The following RGS8 variants were observed in gnomAD, a reference collection of about 807,000 sequenced individuals.
RGS8 encodes regulator of G-protein signaling 8.
A neutral mutation model predicts 21.7 loss-of-function variants in RGS8; 8 were observed. That is an observed-to-expected ratio of 0.37 (90% CI 0.22 to 0.66). The LOEUF is 0.66. Ranked by LOEUF, RGS8 falls within the 30% of genes least tolerant of loss-of-function variation. The pLI is 0.59. For synonymous variants in RGS8, 80 were observed against 83.6 expected, an observed-to-expected ratio of 0.96 and a Z score of 0.24; for missense variants, 157 against 217.9, an observed-to-expected ratio of 0.72 and a Z score of 1.76.
At chr1:182,662,468 C>G (rs1323508971) in intron 5 of RGS8, among the ~76,000 whole-genome samples, 2 of 152,178 alleles carry the variant, frequency 1.3e-5, no homozygotes, top group Non-Finnish European at 2.9e-5. Context: ...ATTGAGAGAT[C>G]CTATCCCGAT....
At chr1:182,744,166 T>C in the RGS8 span, among the ~76,000 whole-genome samples, 1 of 152,152 alleles carries the variant, frequency 6.6e-6, no homozygotes, top group Non-Finnish European at 1.5e-5. Flanking sequence ...ATGTTGTTTG[T>C]TTGTTTTTTG....
chr1:182,674,248 C>A (rs543789574), upstream of RGS8, among the ~76,000 whole-genome samples: 2 of 152,210 alleles, frequency 1.3e-5, no homozygotes, highest in Admixed American at 1.3e-4. Context: ...GGGCCTGAGT[C>A]GCAAGTGGAA....
intron 5 of RGS8, among the ~76,000 whole-genome samples, chr1:182,659,817 CAA>C (rs11333622): frequency 6.9e-4 from 104 of 150,604 alleles, no homozygotes; most frequent in African/African-American, 1.7e-3. Flanking sequence ...CAGGGACTCA[CAA>C]AAAAAAAAGG....
upstream of RGS8, among the ~76,000 whole-genome samples, chr1:182,687,248 C>T (rs771003539): frequency 1.3e-5 from 2 of 151,984 alleles, no homozygotes; most frequent in Non-Finnish European, 2.9e-5. Context: ...ACTATGTTGC[C>T]CAGGCTGGAC....
At chr1:182,703,248 G>C in the RGS8 span, among the ~76,000 whole-genome samples, 1 of 152,204 alleles carries the variant, frequency 6.6e-6, no homozygotes, top group Admixed American at 6.5e-5. Context: ...ATTTCTGAGA[G>C]AGATGCTTGT....
intron 1 of RGS8, among the ~76,000 whole-genome samples, chr1:182,680,123 T>C (rs1664493446): frequency 6.6e-6 from 1 of 152,138 alleles, no homozygotes; most frequent in African/African-American, 2.4e-5. Flanking sequence ...CCTATTTTCT[T>C]AAATTCAGCT....
chr1:182,713,079 C>T, the RGS8 span, among the ~76,000 whole-genome samples: 28 of 152,162 alleles, frequency 1.8e-4, no homozygotes, highest in African/African-American at 6.3e-4. Context: ...TGAGCCATGG[C>T]GACCAACTAA....
At chr1:182,649,945 C>G (rs927720052) in intron 5 of RGS8, among the ~76,000 whole-genome samples, 5 of 146,776 alleles carry the variant, frequency 3.4e-5, no homozygotes, top group African/African-American at 1.3e-4. Context: ...TGGAGTCTTG[C>G]TCTGTCGCCA....
At chr1:182,655,023 G>A (rs1421991706) in intron 5 of RGS8, among the ~76,000 whole-genome samples, 3 of 152,188 alleles carry the variant, frequency 2.0e-5, no homozygotes, top group Admixed American at 1.3e-4. Context: ...GCCCAGCACC[G>A]CACCTAGTGG....
intron 5 of RGS8, among the ~76,000 whole-genome samples, chr1:182,661,102 C>G (rs927112647): frequency 2.6e-5 from 4 of 151,068 alleles, no homozygotes; most frequent in African/African-American, 9.8e-5. Flanking sequence ...TGTTTGGGGT[C>G]TTCTGCTTGG....
At chr1:182,667,510 G>T (rs1380988666) in intron 3 of RGS8, among the ~76,000 whole-genome samples, 2 of 152,164 alleles carry the variant, frequency 1.3e-5, no homozygotes, top group East Asian at 3.9e-4. Flanking sequence ...CACAAATCTA[G>T]CTATAGTCAA....
At chr1:182,657,369 C>T (rs1663336011) in intron 5 of RGS8, among the ~76,000 whole-genome samples, 1 of 152,128 alleles carries the variant, frequency 6.6e-6, no homozygotes, top group Non-Finnish European at 1.5e-5. Flanking sequence ...TCCTGCTTGT[C>T]CATGAACTGT....
chr1:182,718,385 ATGT>A, the RGS8 span, among the ~76,000 whole-genome samples: 1 of 152,206 alleles, frequency 6.6e-6, no homozygotes, highest in East Asian at 1.9e-4. Context: ...AATCCCAAAG[ATGT>A]TGTCAAATTT....
upstream of RGS8, among the ~76,000 whole-genome samples, chr1:182,677,126 G>T (rs1051602298): frequency 2.0e-5 from 3 of 152,212 alleles, no homozygotes; most frequent in African/African-American, 7.2e-5. Flanking sequence ...AGAAAGTGTG[G>T]TGGATTTGAC....
intron 5 of RGS8, among the ~76,000 whole-genome samples, chr1:182,659,019 A>C (rs1663440845): frequency 6.6e-6 from 1 of 152,230 alleles, no homozygotes. Flanking sequence ...ATTAGTATAT[A>C]TGTAGCAAGA....
chr1:182,741,352 C>A, the RGS8 span, among the ~76,000 whole-genome samples: 10 of 95,830 alleles, frequency 1.0e-4, no homozygotes, highest in East Asian at 2.8e-3. Context: ...GCTGGCCGGG[C>A]GGGGGGGCTG....
the RGS8 span, among the ~76,000 whole-genome samples, chr1:182,702,078 G>A: frequency 6.6e-6 from 1 of 152,284 alleles, no homozygotes; most frequent in South Asian, 2.1e-4. Flanking sequence ...TCCCATTACT[G>A]GGTATATACC....
chr1:182,684,583 C>T (rs1313420471), upstream of RGS8: 2 of 152,018 alleles, frequency 1.3e-5, no homozygotes, highest in East Asian at 1.9e-4. The surrounding 1 kb of genome is among the most constrained non-coding windows in gnomAD (Gnocchi z 4.2). Flanking sequence ...AGGGAAAGAG[C>T]GAGTGAGCGG....
At chr1:182,669,532 G>T (rs987237610) in intron 3 of RGS8, 92 bp downstream of exon 4, 15 of 1,588,516 alleles carry the variant, frequency 9.4e-6, no homozygotes, top group Non-Finnish European at 1.3e-5. Flanking sequence ...GGGCTCAGAA[G>T]GCTTGGGCCA....
Sources: allele counts gnomAD v4.1 joint callset (sites outside exome capture counted in the v4.1 genomes callset), GRCh38; gene constraint gnomAD v4.1.1; non-coding constraint Gnocchi (gnomAD v3.1); transcripts MANE v1.5; gene names NCBI Gene and HGNC (gene_info 2026-07-23, HGNC 2026-07-21).